MYO16: variants seen among roughly 807,000 people sequenced by gnomAD.
The protein encoded by MYO16 is myosin XVI.
In MYO16, 94 loss-of-function variants were observed where a neutral mutation model predicts 205.3. The observed-to-expected ratio is 0.46, with a 90% CI of 0.39 to 0.54. The LOEUF (loss-of-function observed/expected upper bound fraction) is 0.54, where lower values mean the gene tolerates loss of function less well. Among genes scored for constraint, MYO16 ranks in the 20% least tolerant of loss-of-function variants. MYO16 has a pLI of 0.00. For missense variants in MYO16, 2,315 were observed against 2,387.5 expected (o/e 0.97, Z 0.63); for synonymous variants, 988 against 954.0 (o/e 1.04, Z -0.66).
intron 9 of MYO16, among the ~76,000 whole-genome samples, chr13:108,826,529 G>C (rs569695758): frequency 6.6e-6 from 1 of 151,758 alleles, no homozygotes; most frequent in Non-Finnish European, 1.5e-5. Context: ...ATATGACACC[G>C]AAAGATAAGC....
At chr13:109,082,410 A>G (rs1040857697) in intron 27 of MYO16, among the ~76,000 whole-genome samples, 3 of 152,262 alleles carry the variant, frequency 2.0e-5, no homozygotes, top group African/African-American at 4.8e-5. Context: ...GTGAAAAAAT[A>G]TATTTTGAAT....
chr13:108,891,469 A>G (rs997160203), intron 14 of MYO16, among the ~76,000 whole-genome samples: 2 of 152,272 alleles, frequency 1.3e-5, no homozygotes, highest in Non-Finnish European at 2.9e-5. Context: ...CTAACAGAAC[A>G]TAAGATTTTC....
chr13:108,628,598 T>C (rs1449065420), upstream of MYO16, among the ~76,000 whole-genome samples: 1 of 152,210 alleles, frequency 6.6e-6, no homozygotes, highest in Non-Finnish European at 1.5e-5. Flanking sequence ...CTTCAACTTA[T>C]TATTTTACAT....
chr13:109,017,198 G>A (rs1594472318), intron 22 of MYO16, among the ~76,000 whole-genome samples: 1 of 152,214 alleles, frequency 6.6e-6, no homozygotes, highest in Middle Eastern at 3.4e-3. Flanking sequence ...TGTCTATAAA[G>A]GATTTTATTT....
chr13:108,890,949 C>T (rs781604157), intron 14 of MYO16, among the ~76,000 whole-genome samples: 20 of 152,192 alleles, frequency 1.3e-4, no homozygotes, highest in Non-Finnish European at 2.9e-5. Context: ...CAGTCTCATT[C>T]ATTTGCTTTC....
At chr13:108,647,425 A>C (rs1465003556) in intron 1 of MYO16, among the ~76,000 whole-genome samples, 1 of 152,188 alleles carries the variant, frequency 6.6e-6, no homozygotes, top group African/African-American at 2.4e-5. Flanking sequence ...GGCAGAACTG[A>C]AAATGATGAA....
chr13:109,175,965 A>T (rs1044531868), intron 33 of MYO16, among the ~76,000 whole-genome samples: 3 of 152,030 alleles, frequency 2.0e-5, no homozygotes, highest in Non-Finnish European at 4.4e-5. Flanking sequence ...AAAAAAAAAA[A>T]GTTCTTGTCA....
chr13:108,745,554 C>T (rs34430728), intron 4 of MYO16, among the ~76,000 whole-genome samples: 20,451 of 152,056 alleles, frequency 0.13, 1,484 homozygotes, highest in Non-Finnish European at 0.16. Context: ...TTAAACACAG[C>T]CCAGCTACTA....
At chr13:109,027,352 T>G (rs1254982324) in intron 23 of MYO16, among the ~76,000 whole-genome samples, 1 of 152,228 alleles carries the variant, frequency 6.6e-6, no homozygotes, top group Non-Finnish European at 1.5e-5. Flanking sequence ...TAAGGTCATA[T>G]TCTGTTGATC....
At chr13:108,936,268 A>T (rs780604786) in intron 16 of MYO16, among the ~76,000 whole-genome samples, 2 of 151,096 alleles carry the variant, frequency 1.3e-5, no homozygotes, top group Admixed American at 6.6e-5. Context: ...TTCCTCACCA[A>T]TTTTTTCTAT....
chr13:108,733,781 A>G (rs1417784065), intron 4 of MYO16, among the ~76,000 whole-genome samples: 2 of 152,174 alleles, frequency 1.3e-5, no homozygotes, highest in Admixed American at 6.5e-5. Flanking sequence ...CATCCTGGCT[A>G]ACATGGTGAA....
chr13:108,886,174 A>G (rs1879871314), intron 13 of MYO16, among the ~76,000 whole-genome samples: 1 of 151,986 alleles, frequency 6.6e-6, no homozygotes, highest in South Asian at 2.1e-4. Flanking sequence ...TTTTTAGTAG[A>G]GACGAGGTTT....
chr13:108,807,393 G>A (rs536084461), intron 7 of MYO16, among the ~76,000 whole-genome samples: 23 of 151,886 alleles, frequency 1.5e-4, no homozygotes, highest in Non-Finnish European at 3.1e-4. Flanking sequence ...ATCATATTGC[G>A]TGGGGAAGTT....
intron 17 of MYO16, among the ~76,000 whole-genome samples, chr13:108,959,997 G>A (rs1594427249): frequency 6.6e-6 from 1 of 151,776 alleles, no homozygotes; most frequent in South Asian, 2.1e-4. Context: ...AAAAAGCTGG[G>A]CATGGTGGTG....
At chr13:108,665,711 G>A (rs1374578314) in intron 1 of MYO16, among the ~76,000 whole-genome samples, 175 bp from the exon 2 acceptor site, 1 of 152,130 alleles carries the variant, frequency 6.6e-6, no homozygotes, top group African/African-American at 2.4e-5. Flanking sequence ...AGAAACACAC[G>A]AACTATTTTT....
At chr13:108,641,744 T>C (rs1050834021) in intron 1 of MYO16, among the ~76,000 whole-genome samples, 3 of 152,242 alleles carry the variant, frequency 2.0e-5, no homozygotes, top group African/African-American at 7.2e-5. Flanking sequence ...AACATTTTGC[T>C]TCACCTTTTC....
rs193134035 is a variant in MYO16 at position 108,599,537 on chromosome 13, A to G, written c.-39+3298A>G. Among the ~76,000 whole-genome samples the G allele has an allele frequency of 2.6e-4, 40 of 152,302 alleles. 1 individual carries two copies. In the East Asian group the frequency reaches 6.9e-3, roughly 26 times the overall value. ...GCTGTTACTTTGTAATTCAAGTATC[A>G]GTCATAGGTCACAGTCAGCTTATAG... On this transcript the variant is annotated intron_variant, in intron 1 of 24. Coordinates refer to the MYO16 transcript ENST00000251041.
chr13:108,558,753 C>T, the MYO16 span, among the ~76,000 whole-genome samples: 2 of 152,166 alleles, frequency 1.3e-5, no homozygotes, highest in Non-Finnish European at 2.9e-5. Context: ...AGGGTTATGA[C>T]CTTGGGATTC....
chr13:108,696,586 G>T (rs1002409952), intron 2 of MYO16, among the ~76,000 whole-genome samples: 5 of 152,178 alleles, frequency 3.3e-5, no homozygotes, highest in African/African-American at 1.2e-4. Context: ...TGTCCCTGGG[G>T]ATACCTGCGG....
Sources: gnomAD v4.1 joint callset for allele counts (sites outside exome capture counted in the v4.1 genomes callset) on GRCh38, gnomAD v4.1.1 for gene constraint, MANE v1.5 for transcripts, NCBI Gene and HGNC (gene_info 2026-07-23, HGNC 2026-07-21) for gene names.